CNTNAP2: variants seen among roughly 807,000 people sequenced by gnomAD.
The protein encoded by CNTNAP2 is contactin associated protein 2, also known as contactin-associated protein-like 2.
In CNTNAP2, 98 loss-of-function variants were observed where a neutral mutation model predicts 155.2. That is an observed-to-expected ratio of 0.63 (90% confidence interval 0.54 to 0.75). The LOEUF (loss-of-function observed/expected upper bound fraction) is 0.75, where lower values mean the gene tolerates loss of function less well. Ranked by LOEUF, CNTNAP2 falls within the 30% of genes least tolerant of loss-of-function variation. The pLI, the probability that CNTNAP2 is intolerant of heterozygous loss-of-function variation, is 0.00. For synonymous variants in CNTNAP2, 651 were observed against 631.2 expected (o/e 1.03, Z -0.47); for missense variants, 1,727 against 1,688.1 (o/e 1.02, Z -0.40).
intron 15 of CNTNAP2, among the ~76,000 whole-genome samples, chr7:148,064,010 TG>T (rs1803207462): frequency 6.6e-6 from 1 of 152,156 alleles, no homozygotes; most frequent in African/African-American, 2.4e-5. Flanking sequence ...TTTATGTTTT[TG>T]TTTGCTTTGT....
At chr7:146,759,474 C>T (rs866565158) in intron 1 of CNTNAP2, among the ~76,000 whole-genome samples, 23 of 151,824 alleles carry the variant, frequency 1.5e-4, no homozygotes, top group African/African-American at 4.1e-4. Flanking sequence ...ATGGGCAGAT[C>T]GCCAGGTCAG....
intron 1 of CNTNAP2, among the ~76,000 whole-genome samples, chr7:146,640,995 A>G (rs1374789827): frequency 1.3e-5 from 2 of 152,170 alleles, no homozygotes; most frequent in Non-Finnish European, 2.9e-5. Context: ...CTAACAAGAA[A>G]TAAGGTATAG....
intron 3 of CNTNAP2, among the ~76,000 whole-genome samples, chr7:147,029,353 A>G (rs1313773488): frequency 6.6e-6 from 1 of 152,212 alleles, no homozygotes; most frequent in East Asian, 1.9e-4. Context: ...TTTCATTATC[A>G]TCAGTTACCT....
intron 1 of CNTNAP2, among the ~76,000 whole-genome samples, chr7:146,660,376 C>T (rs1410220110): frequency 2.0e-5 from 3 of 152,152 alleles, no homozygotes; most frequent in Non-Finnish European, 4.4e-5. Flanking sequence ...ATAGCAAAGT[C>T]AGAAAGACCT....
At chr7:147,181,603 T>A (rs1388871592) in intron 8 of CNTNAP2, among the ~76,000 whole-genome samples, 1 of 152,174 alleles carries the variant, frequency 6.6e-6, no homozygotes, top group Non-Finnish European at 1.5e-5. Flanking sequence ...ACTGTTTTGT[T>A]TTTAAGCAGG....
At chr7:146,344,013 C>T (rs1407820843) in intron 1 of CNTNAP2, among the ~76,000 whole-genome samples, 1 of 151,864 alleles carries the variant, frequency 6.6e-6, no homozygotes, top group Non-Finnish European at 1.5e-5. Flanking sequence ...CCTGTTTAAT[C>T]ATAAAAAATT....
chr7:148,322,796 G>GTT (rs1369352160), intron 21 of CNTNAP2, among the ~76,000 whole-genome samples: 2 of 91,858 alleles, frequency 2.2e-5, no homozygotes, highest in East Asian at 4.7e-4. Context: ...TGTTTTTTGG[G>GTT]GTTTTTTTTT....
intron 18 of CNTNAP2, chr7:148,190,949 G>A (rs777355178): frequency 3.9e-5 from 6 of 152,078 alleles, no homozygotes; most frequent in Non-Finnish European, 5.9e-5. Flanking sequence ...TTATTAGGAC[G>A]ATAATAAAAG....
chr7:146,732,567 A>C (rs1171447104), intron 1 of CNTNAP2, among the ~76,000 whole-genome samples: 2 of 152,098 alleles, frequency 1.3e-5, no homozygotes, highest in Non-Finnish European at 2.9e-5. Flanking sequence ...TTATAATTCA[A>C]AGGTTTACTC....
intron 3 of CNTNAP2, among the ~76,000 whole-genome samples, chr7:146,963,945 G>A (rs1396462891): frequency 7.0e-6 from 1 of 142,126 alleles, no homozygotes; most frequent in Non-Finnish European, 1.6e-5. Context: ...GGCAAGACAG[G>A]ATGATTTTTT....
intron 1 of CNTNAP2, among the ~76,000 whole-genome samples, chr7:146,720,085 A>T (rs939870183): frequency 2.0e-5 from 3 of 152,122 alleles, no homozygotes; most frequent in African/African-American, 7.2e-5. Flanking sequence ...AAGGAAAGAA[A>T]ATTTGAGTTT....
chr7:146,394,070 A>C (rs1473472827), intron 1 of CNTNAP2, among the ~76,000 whole-genome samples: 2 of 152,168 alleles, frequency 1.3e-5, no homozygotes, highest in African/African-American at 4.8e-5. Flanking sequence ...ATAGATGTGT[A>C]TGAAGCATTC....
intron 21 of CNTNAP2, among the ~76,000 whole-genome samples, chr7:148,355,165 G>GTTTTTTTTTTTTTT (rs1563055120): frequency 3.6e-5 from 1 of 27,804 alleles, no homozygotes; most frequent in Non-Finnish European, 6.2e-5. Flanking sequence ...GCCGCCAGCT[G>GTTTTTTTTTTTTTT]CTTTTTTTTT....
At chr7:146,281,405 C>T (rs925720009) in intron 1 of CNTNAP2, among the ~76,000 whole-genome samples, 1 of 152,176 alleles carries the variant, frequency 6.6e-6, no homozygotes, top group Admixed American at 6.5e-5. Flanking sequence ...TCAATTTTAA[C>T]TAATTGAACA....
chr7:146,424,520 G>T (rs966981252), intron 1 of CNTNAP2, among the ~76,000 whole-genome samples: 2 of 152,152 alleles, frequency 1.3e-5, no homozygotes, highest in African/African-American at 4.8e-5. Context: ...TTCAGCAAAC[G>T]CCTTCTGTCA....
chr7:148,087,850 G>A (rs1803762866), intron 15 of CNTNAP2, among the ~76,000 whole-genome samples: 1 of 152,250 alleles, frequency 6.6e-6, no homozygotes, highest in African/African-American at 2.4e-5. Flanking sequence ...ACTAATGTCA[G>A]AGATGGAAAA....
At chr7:147,571,515 G>C (rs1800291411) in intron 12 of CNTNAP2, among the ~76,000 whole-genome samples, 1 of 151,804 alleles carries the variant, frequency 6.6e-6, no homozygotes, top group Non-Finnish European at 1.5e-5. Flanking sequence ...CCAACATCTA[G>C]TTAATTTTTC....
At position 147,742,744 on chromosome 7, in the gene CNTNAP2, G is replaced by A. The variant is rs147240424; in HGVS notation, c.2098+103438G>A. Among the ~76,000 whole-genome samples the A allele has an allele frequency of 2.3e-3, 348 of 152,206 alleles. 4 individuals are homozygous for A. Among genetic ancestry groups the A allele is most frequent in the African/African-American group, 8.0e-3 (331 of 41,524 alleles). On this transcript the variant is annotated intron_variant, in intron 13 of 23. Transcript: ENST00000361727. ...AAAATATATCTTAAACTAGTCCTTG[G>A]CTATGACTTTGCCCCTTCTCAGGAA... is the stretch of plus-strand genomic sequence containing the variant.
chr7:146,597,748 ATATAC>A lies in CNTNAP2; in HGVS notation c.98-176518_98-176514del, dbSNP rs147551528. ...TAATTAGATCAACATTGTGGAGAAA[ATATAC>A]TATAATTTAAATTTTACGTTGTTAT... On this transcript the variant is annotated intron_variant, in intron 1 of 23. Transcript: ENST00000361727. 5.1e-3 allele frequency among the ~76,000 whole-genome samples: 770 copies of A among 152,224 alleles called. 7 individuals carry two copies. The highest frequency in any genetic ancestry group is 0.018 in the African/African-American group (736 of 41,562).
Sources: allele counts gnomAD v4.1 joint callset (sites outside exome capture counted in the v4.1 genomes callset), GRCh38; gene constraint gnomAD v4.1.1; transcripts MANE v1.5; gene names NCBI Gene and HGNC (gene_info 2026-07-23, HGNC 2026-07-21).